Variants in EPB41L5 observed in about 807,000 individuals in gnomAD.
EPB41L5 encodes the protein band 4.1-like protein 5.
A neutral mutation model predicts 106.6 loss-of-function variants in EPB41L5; 55 were observed. The ratio of observed to expected loss-of-function variants is 0.52; its 90% CI spans 0.42 to 0.65. The LOEUF is 0.65. EPB41L5 is among the 30% of genes least tolerant of loss of function. EPB41L5 has a pLI of 0.00. For missense variants in EPB41L5, 871 were observed against 882.1 expected (o/e 0.99, Z 0.16); for synonymous variants, 297 against 306.7 (o/e 0.97, Z 0.33).
At chr2:120,171,447 G>T (rs1030320376) in intron 24 of EPB41L5, among the ~76,000 whole-genome samples, 1 of 152,158 alleles carries the variant, frequency 6.6e-6, no homozygotes, top group Non-Finnish European at 1.5e-5. Flanking sequence ...GTTTTCCCTC[G>T]GGAGGAGCCA....
At chr2:120,050,337 A>C (rs970556278) in intron 3 of EPB41L5, among the ~76,000 whole-genome samples, 1 of 152,098 alleles carries the variant, frequency 6.6e-6, no homozygotes, top group Non-Finnish European at 1.5e-5. Flanking sequence ...ATGTAGTCCC[A>C]TATTTCTTGG....
intron 14 of EPB41L5, among the ~76,000 whole-genome samples, chr2:120,096,414 TAAAA>T (rs1350530492): frequency 1.3e-5 from 2 of 152,152 alleles, no homozygotes; most frequent in Non-Finnish European, 2.9e-5. Flanking sequence ...TTTTATTAGG[TAAAA>T]AAACAACATT....
At chr2:120,048,293 C>CT (rs934336657) in intron 3 of EPB41L5, among the ~76,000 whole-genome samples, 20 of 151,780 alleles carry the variant, frequency 1.3e-4, no homozygotes, top group African/African-American at 4.8e-4. Flanking sequence ...TGGTCCTGGG[C>CT]TTTTTTTTGG....
chr2:120,076,850 A>T (rs1574605718), intron 7 of EPB41L5, 121 bp from the exon 8 acceptor site: 1 of 867,126 alleles, frequency 1.2e-6, no homozygotes, highest in East Asian at 2.6e-5. Flanking sequence ...TTGTCTGAGT[A>T]TTATGAATTT....
At chr2:120,123,281 A>G in intron 16 of EPB41L5, among the ~76,000 whole-genome samples, 1 of 151,988 alleles carries the variant, frequency 6.6e-6, no homozygotes, top group South Asian at 2.1e-4. Context: ...GCCTCCTCAC[A>G]TGAGGTGTTT....
intron 14 of EPB41L5, among the ~76,000 whole-genome samples, chr2:120,097,805 G>A (rs1354564708): frequency 6.6e-6 from 1 of 152,206 alleles, no homozygotes; most frequent in African/African-American, 2.4e-5. Flanking sequence ...ATTCATGGAA[G>A]TGAAAGAATG....
intron 22 of EPB41L5, 123 bp from the exon 23 acceptor site, chr2:120,167,343 C>T (rs1687460337): frequency 1.3e-6 from 1 of 772,060 alleles, no homozygotes; most frequent in Non-Finnish European, 2.2e-6. Context: ...TCAAGGAACA[C>T]CATTAAGAAT....
intron 20 of EPB41L5, among the ~76,000 whole-genome samples, chr2:120,151,789 G>C (rs1183105086): frequency 6.6e-6 from 1 of 151,580 alleles, no homozygotes; most frequent in Non-Finnish European, 1.5e-5. Flanking sequence ...GCTAATTTTT[G>C]TATTTTTAGT....
intron 16 of EPB41L5, chr2:120,103,974 C>T: frequency 7.1e-7 from 1 of 1,407,938 alleles, no homozygotes; most frequent in East Asian, 2.6e-5. Context: ...GTCACATTAC[C>T]TTTCCCCTTT....
chr2:120,096,307 C>G (rs940847994), intron 14 of EPB41L5, among the ~76,000 whole-genome samples: 1 of 151,868 alleles, frequency 6.6e-6, no homozygotes, highest in African/African-American at 2.4e-5. Flanking sequence ...ACAAGGACTC[C>G]CCTCAAGTTT....
At chr2:120,014,983 AAACC>A (rs941813853) in intron 1 of EPB41L5, among the ~76,000 whole-genome samples, 11 of 151,484 alleles carry the variant, frequency 7.3e-5, no homozygotes, top group African/African-American at 2.2e-4. Flanking sequence ...AAAAAAAAAA[AAACC>A]CACAACTTTT....
At chr2:120,104,094 G>A in intron 16 of EPB41L5, 2 of 1,535,298 alleles carry the variant, frequency 1.3e-6, no homozygotes, top group Middle Eastern at 1.7e-4. Flanking sequence ...TCAACGTGGT[G>A]GAAACCAGTG....
At chr2:120,164,980 G>T in intron 22 of EPB41L5, 70 bp downstream of exon 22, 4 of 1,184,238 alleles carry the variant, frequency 3.4e-6, no homozygotes, top group Admixed American at 2.2e-5. Context: ...CTAGATTCCA[G>T]TTTTTTCCTT....
At chr2:120,061,762 C>T (rs546702722) in intron 3 of EPB41L5, among the ~76,000 whole-genome samples, 4 of 152,214 alleles carry the variant, frequency 2.6e-5, no homozygotes, top group African/African-American at 9.6e-5. Flanking sequence ...AAAAGGGAAA[C>T]GTAGATAGCA....
intron 16 of EPB41L5, among the ~76,000 whole-genome samples, chr2:120,110,196 G>A (rs564561730): frequency 5.9e-5 from 9 of 152,198 alleles, no homozygotes; most frequent in African/African-American, 2.2e-4. Context: ...TTCAGAAATC[G>A]CTCACTTCAC....
chr2:120,163,598 T>C (rs998964046), intron 21 of EPB41L5, among the ~76,000 whole-genome samples: 4 of 151,026 alleles, frequency 2.6e-5, no homozygotes, highest in Non-Finnish European at 5.9e-5. Flanking sequence ...CTGGTTTTTT[T>C]TTTTTTTTTT....
chr2:120,121,443 A>C (rs534508915), intron 16 of EPB41L5, among the ~76,000 whole-genome samples: 1 of 152,262 alleles, frequency 6.6e-6, no homozygotes, highest in East Asian at 1.9e-4. Context: ...GAGTAAGAAC[A>C]TGCAGTGTTT....
Position 120,164,894 on chromosome 2 carries a change from A to C in EPB41L5, c.1946A>C (p.His649Pro). 1 of 1,609,808 alleles carries C rather than the reference A, an allele frequency of 6.2e-7. No individual in the cohort carries two copies. Among genetic ancestry groups the C allele is most frequent in the African/African-American group, 1.3e-5 (1 of 74,824 alleles). ...TCTCTAACTGAGAATCTAATTGATC[A>C]CACAGTTGCACCTCAGGTAAATATG... ...LASLTENLID[H>P]TVAPQVSSTS... The change falls in exon 22 of 25, where the codon CAC (histidine) becomes CCC (proline). Residue 649 changes from histidine (H) to proline (P), a missense_variant. His to Pro is a moderately conservative substitution (Grantham distance 77). Transcript: ENST00000263713.
intron 16 of EPB41L5, among the ~76,000 whole-genome samples, chr2:120,114,884 A>G (rs1467422702): frequency 1.3e-5 from 2 of 152,192 alleles, no homozygotes; most frequent in Non-Finnish European, 2.9e-5. Context: ...ATAAAGTGAA[A>G]GAACTATTGT....
Sources: allele counts gnomAD v4.1 joint callset (sites outside exome capture counted in the v4.1 genomes callset), GRCh38; gene constraint gnomAD v4.1.1; transcripts MANE v1.5; gene names NCBI Gene and HGNC (gene_info 2026-07-23, HGNC 2026-07-21).